FAF1: variants seen among roughly 807,000 people sequenced by gnomAD.
The protein encoded by FAF1 is FAS-associated factor 1.
A neutral mutation model predicts 92.5 loss-of-function variants in FAF1; 25 were observed. The observed-to-expected ratio is 0.27, with a 90% CI of 0.20 to 0.38. The LOEUF (loss-of-function observed/expected upper bound fraction) is 0.38, where lower values mean the gene tolerates loss of function less well. Ranked by LOEUF, FAF1 falls within the 10% of genes least tolerant of loss-of-function variation. The probability of loss-of-function intolerance (pLI) is 1.00; values close to 1 mark genes in which losing one functional copy is unlikely to be tolerated. For synonymous variants in FAF1, 234 were observed against 273.2 expected (o/e 0.86, Z 1.42); for missense variants, 636 against 793.3 (o/e 0.80, Z 2.38).
chr1:50,781,743 C>G (rs1012034192), intron 4 of FAF1, among the ~76,000 whole-genome samples: 1 of 152,176 alleles, frequency 6.6e-6, no homozygotes, highest in African/African-American at 2.4e-5. Context: ...TGATATAGCA[C>G]ATATTACTCC....
chr1:50,774,809 A>T (rs952350346), intron 4 of FAF1, among the ~76,000 whole-genome samples: 3 of 152,158 alleles, frequency 2.0e-5, no homozygotes, highest in African/African-American at 7.2e-5. Flanking sequence ...ACTTCACATC[A>T]GACACCATTT....
chr1:50,808,412 T>C (rs946503296), intron 2 of FAF1, among the ~76,000 whole-genome samples: 6 of 152,112 alleles, frequency 3.9e-5, no homozygotes, highest in Admixed American at 3.9e-4. Context: ...CCTATTAATA[T>C]TAACCTCGTA....
At chr1:50,669,454 T>C (rs1435929961) in intron 7 of FAF1, among the ~76,000 whole-genome samples, 1 of 152,198 alleles carries the variant, frequency 6.6e-6, no homozygotes, top group Non-Finnish European at 1.5e-5. Flanking sequence ...TTACTTTGAC[T>C]GTATTGATCA....
At chr1:50,958,475 A>G (rs1645287954) in intron 1 of FAF1, among the ~76,000 whole-genome samples, 1 of 152,130 alleles carries the variant, frequency 6.6e-6, no homozygotes, top group Non-Finnish European at 1.5e-5. Context: ...CAGGAGATCA[A>G]GACCATCCTG....
At chr1:50,563,503 C>T (rs1484966000) in intron 13 of FAF1, among the ~76,000 whole-genome samples, 1 of 151,938 alleles carries the variant, frequency 6.6e-6, no homozygotes, top group Non-Finnish European at 1.5e-5. Flanking sequence ...TTAAGAATGG[C>T]TCTGAAATCC....
At chr1:50,561,396 T>C (rs1396709749) in intron 13 of FAF1, among the ~76,000 whole-genome samples, 1 of 152,204 alleles carries the variant, frequency 6.6e-6, no homozygotes, top group African/African-American at 2.4e-5. Context: ...CATTAGTGGC[T>C]ACAGGGGAAG....
chr1:50,821,925 C>G (rs1209794842), intron 2 of FAF1, among the ~76,000 whole-genome samples: 1 of 151,778 alleles, frequency 6.6e-6, no homozygotes, highest in Non-Finnish European at 1.5e-5. Context: ...GTTAAATGGC[C>G]TACGGTCACC....
rs756287590 is a variant in FAF1 at position 50,583,737 on chromosome 1, AAAC to A, written c.968-25_968-23del. 1.3e-6 allele frequency: 2 copies of A among 1,519,372 alleles called. No homozygotes were observed. Among genetic ancestry groups the A allele is most frequent in the Non-Finnish European group, 1.8e-6 (2 of 1,112,110 alleles). 94.1% of individuals were successfully genotyped at this position (1,519,372 alleles called of 1,614,324 possible). ...GGCACTAAAAAACAAACAAAAGAAA[AAAC>A]AAAAACAAAAAAACAAAACAAATAG... On this transcript the variant is annotated intron_variant, in intron 10 of 18. Coordinates refer to ENST00000396153, the MANE Select transcript of FAF1 (RefSeq NM_007051.3). This position sits in a 1 kb window ranked among gnomAD's most constrained non-coding sequence, Gnocchi z 4.2.
At chr1:50,919,875 G>A (rs570442831) in intron 1 of FAF1, among the ~76,000 whole-genome samples, 2 of 152,214 alleles carry the variant, frequency 1.3e-5, no homozygotes, top group South Asian at 4.1e-4. Context: ...GAACAAGGGT[G>A]GGAAAAAAGA....
At chr1:50,823,952 A>G (rs1644068994) in intron 2 of FAF1, among the ~76,000 whole-genome samples, 1 of 152,136 alleles carries the variant, frequency 6.6e-6, no homozygotes, top group Non-Finnish European at 1.5e-5. Flanking sequence ...AAGGTATTAT[A>G]CTTAGATTTT....
In FAF1 at chr1:50,535,412, A is replaced by G; in HGVS notation, c.1451T>C (p.Met484Thr). The G allele has an allele frequency of 6.2e-7, 1 of 1,612,234 alleles. No homozygotes were observed. Among genetic ancestry groups the G allele is most frequent in the Non-Finnish European group, 8.5e-7 (1 of 1,178,896 alleles). ...DELMMRLMAA[M>T]EIFTAQQQED... is the part of the protein sequence containing the mutation. ...CTGTTGTTGGGCTGTGAAGATCTCC[A>G]TTGCAGCCATGAGTCTCATCATTAA... The change falls in exon 15 of 19, where the codon ATG becomes ACG. Residue 484 changes from methionine to threonine, a missense_variant. This residue lies in a region of FAF1 where 319 missense variants were observed against 451.0 expected (regional missense o/e 0.71). Transcript: ENST00000396153.
At chr1:50,772,007 G>C (rs1660791098) in intron 4 of FAF1, among the ~76,000 whole-genome samples, 1 of 152,166 alleles carries the variant, frequency 6.6e-6, no homozygotes, top group South Asian at 2.1e-4. Context: ...AAAAAGCAGA[G>C]ATTATGGATA....
intron 15 of FAF1, among the ~76,000 whole-genome samples, chr1:50,496,547 A>G (rs1480750307): frequency 6.6e-6 from 1 of 152,202 alleles, no homozygotes; most frequent in Non-Finnish European, 1.5e-5. Context: ...CAGAAGCCCC[A>G]CTGTGACCAG....
chr1:50,858,746 T>C (rs1644410209), intron 1 of FAF1, among the ~76,000 whole-genome samples: 1 of 151,822 alleles, frequency 6.6e-6, no homozygotes, highest in Non-Finnish European at 1.5e-5. Context: ...ATATTTCTGG[T>C]GTTGTTCTTG....
chr1:50,742,065 T>G (rs1659407956), intron 5 of FAF1, among the ~76,000 whole-genome samples: 1 of 151,922 alleles, frequency 6.6e-6, no homozygotes, highest in Non-Finnish European at 1.5e-5. Context: ...TCTCAGCACT[T>G]TGGGAGGCCA....
chr1:50,760,954 G>C (rs952418619), intron 4 of FAF1, among the ~76,000 whole-genome samples: 5 of 152,002 alleles, frequency 3.3e-5, no homozygotes, highest in Non-Finnish European at 7.4e-5. Flanking sequence ...GACTAATAAA[G>C]AAGAAAAGAG....
At chr1:50,660,833 T>C (rs1394319126) in intron 7 of FAF1, among the ~76,000 whole-genome samples, 1 of 152,092 alleles carries the variant, frequency 6.6e-6, no homozygotes, top group Non-Finnish European at 1.5e-5. Flanking sequence ...ACTGTTACTG[T>C]GGGAAAATTG....
chr1:50,862,479 ACAGT>A (rs1644444286), intron 1 of FAF1, among the ~76,000 whole-genome samples: 1 of 151,884 alleles, frequency 6.6e-6, no homozygotes, highest in Non-Finnish European at 1.5e-5. Context: ...GTACAAAAAC[ACAGT>A]CAGATAGAGG....
intron 2 of FAF1, among the ~76,000 whole-genome samples, chr1:50,818,665 A>AT (rs1644001096): frequency 6.6e-6 from 1 of 152,172 alleles, no homozygotes. Context: ...CTTATCTAAA[A>AT]TGCTTGGGAC....
Sources: allele counts gnomAD v4.1 joint callset (sites outside exome capture counted in the v4.1 genomes callset), GRCh38; gene constraint gnomAD v4.1.1; regional missense constraint gnomAD v4.1.1; non-coding constraint Gnocchi (gnomAD v3.1); transcripts MANE v1.5; gene names NCBI Gene and HGNC (gene_info 2026-07-23, HGNC 2026-07-21).